STK3: variants seen among roughly 807,000 people sequenced by gnomAD.
STK3 encodes the protein serine/threonine-protein kinase 3.
Under a neutral mutation model 58.0 loss-of-function variants are expected in STK3, and 41 were observed. The observed-to-expected ratio is 0.71, with a 90% CI of 0.55 to 0.92. The LOEUF is 0.92. Among genes scored for constraint, STK3 ranks in the 40% least tolerant of loss-of-function variants. The probability of loss-of-function intolerance (pLI) is 0.00; values close to 1 mark genes in which losing one functional copy is unlikely to be tolerated. For synonymous variants in STK3, 170 were observed against 191.0 expected (o/e 0.89, Z 0.91); for missense variants, 479 against 602.7 (o/e 0.79, Z 2.15).
chr8:98,397,051 G>A (rs1817903103), downstream of STK3, among the ~76,000 whole-genome samples: 1 of 152,214 alleles, frequency 6.6e-6, no homozygotes, highest in Non-Finnish European at 1.5e-5. Flanking sequence ...TAATGACAGA[G>A]TCTGGCTCCA....
chr8:98,503,160 T>C (rs1279157150), intron 10 of STK3, among the ~76,000 whole-genome samples: 4 of 152,222 alleles, frequency 2.6e-5, no homozygotes, highest in Admixed American at 2.6e-4. Context: ...CAGTAATTTA[T>C]CCATTTCTTC....
At chr8:98,372,965 C>T (rs1190558536) in intron 2 of STK3, among the ~76,000 whole-genome samples, 1 of 152,168 alleles carries the variant, frequency 6.6e-6, no homozygotes, top group Non-Finnish European at 1.5e-5. Flanking sequence ...ATCAGTCTTA[C>T]TCTGGTTATA....
chr8:98,917,644 C>T (rs1839392794), intron 1 of STK3, among the ~76,000 whole-genome samples: 1 of 152,204 alleles, frequency 6.6e-6, no homozygotes. Context: ...GCTCCTTCAT[C>T]TCGAATAGCC....
intron 6 of STK3, among the ~76,000 whole-genome samples, chr8:98,691,931 CAA>C (rs34109446): frequency 0.013 from 1,329 of 104,480 alleles, 15 homozygotes; most frequent in African/African-American, 0.046. Context: ...AACTCCGCCT[CAA>C]AAAAAAAAAA....
chr8:98,404,003 G>T (rs1817969285), intron 3 of STK3, among the ~76,000 whole-genome samples: 1 of 152,192 alleles, frequency 6.6e-6, no homozygotes, highest in African/African-American at 2.4e-5. Context: ...TCTGTCTCCT[G>T]GGTGGCAGGT....
upstream of STK3, among the ~76,000 whole-genome samples, chr8:98,829,789 G>A (rs2131778497): frequency 6.6e-6 from 1 of 152,276 alleles, no homozygotes; most frequent in East Asian, 1.9e-4. Context: ...AAAGAAAAGA[G>A]ACAAATAGAC....
At chr8:98,766,417 A>AGT (rs1409580913) in intron 3 of STK3, among the ~76,000 whole-genome samples, 1 of 152,192 alleles carries the variant, frequency 6.6e-6, no homozygotes, top group Non-Finnish European at 1.5e-5. Flanking sequence ...CCCCTTTAAC[A>AGT]TCAAAAACTC....
chr8:98,522,449 T>A (rs1825436925), intron 10 of STK3, among the ~76,000 whole-genome samples: 1 of 152,184 alleles, frequency 6.6e-6, no homozygotes, highest in African/African-American at 2.4e-5. Flanking sequence ...TATTTCCATA[T>A]CTTATGAATT....
chr8:98,731,218 C>T (rs1033756111), intron 4 of STK3, among the ~76,000 whole-genome samples: 3 of 152,040 alleles, frequency 2.0e-5, no homozygotes, highest in Non-Finnish European at 4.4e-5. Flanking sequence ...ACCAAGTAAA[C>T]CCCAGAAGGA....
At chr8:98,789,754 T>C (rs1478290174) in intron 1 of STK3, among the ~76,000 whole-genome samples, 2 of 152,022 alleles carry the variant, frequency 1.3e-5, no homozygotes, top group African/African-American at 4.8e-5. Flanking sequence ...AAGATTGAAA[T>C]GATAATTTAA....
At chr8:98,650,672 G>A (rs1030878754) in intron 6 of STK3, among the ~76,000 whole-genome samples, 8 of 152,190 alleles carry the variant, frequency 5.3e-5, no homozygotes, top group East Asian at 3.9e-4. Flanking sequence ...AAAAAACAGC[G>A]CACCAGGAGA....
intron 1 of STK3, among the ~76,000 whole-genome samples, chr8:98,895,469 T>C (rs1269096019): frequency 6.6e-6 from 1 of 152,186 alleles, no homozygotes; most frequent in African/African-American, 2.4e-5. Flanking sequence ...AGGGTTAGAC[T>C]GGATTTGAGC....
At chr8:98,790,873 A>G (rs1297342356) in intron 1 of STK3, among the ~76,000 whole-genome samples, 2 of 151,974 alleles carry the variant, frequency 1.3e-5, no homozygotes, top group Non-Finnish European at 2.9e-5. Context: ...AATCCCAGCT[A>G]CTTGGGAGGC....
At chr8:98,410,913 C>T (rs1297461219) in intron 3 of STK3, among the ~76,000 whole-genome samples, 2 of 152,156 alleles carry the variant, frequency 1.3e-5, no homozygotes. Context: ...GCTCAAAGTC[C>T]TAAGACTGGG....
intron 6 of STK3, among the ~76,000 whole-genome samples, chr8:98,692,354 T>C (rs938383408): frequency 3.9e-5 from 6 of 152,230 alleles, no homozygotes; most frequent in African/African-American, 7.2e-5. Context: ...AAATATGCTA[T>C]ATACATACAA....
chr8:98,853,229 T>C (rs1041635883), intron 3 of STK3, among the ~76,000 whole-genome samples: 3 of 152,190 alleles, frequency 2.0e-5, no homozygotes, highest in Admixed American at 6.5e-5. Context: ...TTATCACTAA[T>C]TGAAATACCT....
intron 3 of STK3, among the ~76,000 whole-genome samples, chr8:98,845,994 A>G (rs532214028): frequency 6.6e-6 from 1 of 152,380 alleles, no homozygotes; most frequent in African/African-American, 2.4e-5. Context: ...CTGGTTGCAC[A>G]GAGCTAGGAA....
intron 3 of STK3, among the ~76,000 whole-genome samples, chr8:98,756,150 A>G (rs1830276038): frequency 6.6e-6 from 1 of 152,054 alleles, no homozygotes; most frequent in Non-Finnish European, 1.5e-5. Flanking sequence ...TCAAAAAAAA[A>G]AAGAAAAATT....
rs140760147 is a variant in STK3, at chr8:98,560,790, T to C, written c.949-12629A>G. Among the ~76,000 whole-genome samples the C allele has an allele frequency of 6.1e-3, 936 of 152,222 alleles. 10 individuals carry two copies. The highest frequency in any genetic ancestry group is 0.022 in the African/African-American group (895 of 41,532). On this transcript the variant is annotated intron_variant, in intron 8 of 10. Coordinates refer to ENST00000419617, the MANE Select transcript of STK3 (RefSeq NM_006281.4). ...GCTCACACCTGTAATCCCAGCACTT[T>C]AGGAGGCTGAAGTGGGTGGATTGCT... is the stretch of plus-strand genomic sequence containing the variant.
Sources: allele counts gnomAD v4.1 joint callset (sites outside exome capture counted in the v4.1 genomes callset), GRCh38; gene constraint gnomAD v4.1.1; transcripts MANE v1.5; gene names NCBI Gene and HGNC (gene_info 2026-07-23, HGNC 2026-07-21).